The following AAK1 variants were observed in gnomAD, a reference collection of about 807,000 sequenced individuals.
AAK1 encodes the protein AP2 associated kinase 1.
In AAK1, 37 loss-of-function variants were observed where a neutral mutation model predicts 116.0. The ratio of observed to expected loss-of-function variants is 0.32; its 90% CI spans 0.25 to 0.42. The LOEUF is 0.42. Among genes scored for constraint, AAK1 ranks in the 10% least tolerant of loss-of-function variants. The pLI, the probability that AAK1 is intolerant of heterozygous loss-of-function variation, is 1.00. For synonymous variants in AAK1, 458 were observed against 439.9 expected (o/e 1.04, Z -0.51); for missense variants, 919 against 1,170.6 (o/e 0.79, Z 3.14).
At position 69,521,005 on chromosome 2, in the gene AAK1, GA is replaced by G. The variant is rs1558931695; in HGVS notation, c.1056-18del. On this transcript the variant is annotated intron_variant, in intron 10 of 21. Coordinates refer to ENST00000409085, the MANE Select transcript of AAK1 (RefSeq NM_014911.5). ...TCTGTCAGTCTAGAAAGGGAAAAGA[GA>G]AAGGTTCATATTAAAGTATGGGAAA... 6.2e-7 allele frequency: 1 copy of G among 1,613,680 alleles called. No individual in the cohort carries two copies. Among genetic ancestry groups the G allele is most frequent in the Non-Finnish European group, 8.5e-7 (1 of 1,179,604 alleles).
rs1674705128 is a variant in AAK1 at position 69,472,263 on chromosome 2, T to C, written c.*3606A>G. Reference sequence around the variant, plus strand: ...ATCTTACAGGGTTGAATTTGCTTTCTGGAAATGGCTAAATGTTACTCAGAA... The same window carrying C: ...ATCTTACAGGGTTGAATTTGCTTTCCGGAAATGGCTAAATGTTACTCAGAA... On this transcript the variant is annotated 3_prime_UTR_variant, in exon 22 of 22. Transcript: ENST00000409085. 3.0e-6 allele frequency: 2 copies of C among 673,482 alleles called. No individual in the cohort carries two copies. Among genetic ancestry groups the C allele is most frequent in the Admixed American group, 1.3e-4 (2 of 15,864 alleles). 41.7% of individuals were successfully genotyped at this position (673,482 alleles called of 1,614,324 possible).
chr2:69,514,072 A>C lies in AAK1; in HGVS notation c.1776+399T>G, dbSNP rs145215755. On this transcript the variant is annotated intron_variant, in intron 13 of 21. Coordinates refer to ENST00000409085, the MANE Select transcript of AAK1 (RefSeq NM_014911.5). The stretch of plus-strand genomic sequence containing the variant: ...GTCATCCAAGACAAAGAATAAACAC[A>C]ACATGGAGGACCCAGGGCCTGGAAA... Among the ~76,000 whole-genome samples the C allele has an allele frequency of 5.7e-3, 874 of 152,328 alleles. 13 individuals carry two copies. The highest frequency in any genetic ancestry group is 0.011 in the South Asian group (51 of 4,822).
Position 69,463,685 on chromosome 2 carries a change from G to A in AAK1, c.*12184C>T, listed in dbSNP as rs1297370694. The A allele has an allele frequency of 1.3e-5, 2 of 152,224 alleles. No individual in the cohort carries two copies. Among genetic ancestry groups the A allele is most frequent in the African/African-American group, 2.4e-5 (1 of 41,408 alleles). The allele number at this position is 152,224 out of a possible 1,614,324, so 9.4% of individuals were successfully genotyped here. ...CACCACCACGTCCAGCTAATTTTTT[G>A]TATTTTTAGTAGAGATGGGGTTTCA... On this transcript the variant is annotated 3_prime_UTR_variant, in exon 22 of 22. Transcript: ENST00000409085.
chr2:69,580,076 A>T (rs1198074269), intron 2 of AAK1, among the ~76,000 whole-genome samples: 1 of 152,114 alleles, frequency 6.6e-6, no homozygotes, highest in Non-Finnish European at 1.5e-5. Context: ...ATATCCAACT[A>T]ACAACCAAAT....
intron 15 of AAK1, 22 bp downstream of exon 15, chr2:69,507,397 CAA>C: frequency 6.2e-7 from 1 of 1,606,130 alleles, no homozygotes; most frequent in Non-Finnish European, 8.5e-7. Flanking sequence ...TCAAGAAGCA[CAA>C]AAAAAGACAC....
rs1674434743 is a variant in AAK1 at position 69,464,765 on chromosome 2, C to T, written c.*11104G>A. On this transcript the variant is annotated 3_prime_UTR_variant, in exon 22 of 22. Coordinates refer to ENST00000409085, the MANE Select transcript of AAK1 (RefSeq NM_014911.5). ...GTTAGCCCATCTGCCTGTATCTCTA[C>T]ACAGGCTCTGACGTACATTCCACAC... The T allele has an allele frequency of 6.6e-6, 1 of 152,638 alleles. No homozygotes were observed. The highest frequency in any genetic ancestry group is 2.4e-5 in the African/African-American group (1 of 41,442). The allele number at this position is 152,638 out of a possible 1,614,324, so 9.5% of individuals were successfully genotyped here.
Position 69,532,321 on chromosome 2 carries a change from C to T in AAK1, c.535-159G>A, listed in dbSNP as rs545704870. Reference sequence around the variant, plus strand: ...TCCAAGTATCTCAACAGGGGTCATCCCAAGTGGAACACAGGAGATGCAGAG... The same window carrying T: ...TCCAAGTATCTCAACAGGGGTCATCTCAAGTGGAACACAGGAGATGCAGAG... On this transcript the variant is annotated intron_variant, in intron 5 of 21. Transcript: ENST00000409085. Among the ~76,000 whole-genome samples, 4 of 152,170 alleles carry T rather than the reference C, an allele frequency of 2.6e-5. No homozygotes were observed. The South Asian group carries it at 8.3e-4, about 32-fold the overall frequency.
In AAK1 at chr2:69,475,289, T is replaced by C. The variant is rs1227590515; in HGVS notation, c.*580A>G. The C allele has an allele frequency of 1.0e-6, 1 of 985,766 alleles. No homozygotes were observed. Among genetic ancestry groups the C allele is most frequent in the Non-Finnish European group, 1.2e-6 (1 of 830,046 alleles). The allele number at this position is 985,766 out of a possible 1,614,324, so 61.1% of individuals were successfully genotyped here. Reference sequence around the variant, plus strand: ...TTGGTTGGCTAGAGCTGGGCTCAATTTCTCTTCTCAAATATATACTACCAG... The same window carrying C: ...TTGGTTGGCTAGAGCTGGGCTCAATCTCTCTTCTCAAATATATACTACCAG... On this transcript the variant is annotated 3_prime_UTR_variant, in exon 22 of 22. Transcript: ENST00000409085.
intron 2 of AAK1, among the ~76,000 whole-genome samples, chr2:69,636,827 G>A (rs1044445664): frequency 3.3e-5 from 5 of 151,758 alleles, no homozygotes; most frequent in African/African-American, 1.2e-4. Flanking sequence ...AGCCTCCCAA[G>A]TAGCTGGAAT....
At chr2:69,561,332 G>A (rs17036775) in intron 2 of AAK1, among the ~76,000 whole-genome samples, 5,149 of 152,210 alleles carry the variant, frequency 0.034, 339 homozygotes, top group South Asian at 0.18. Flanking sequence ...CATCACCACA[G>A]TTCTTATCTT....
At chr2:69,500,899 T>C (rs1675957369) in intron 16 of AAK1, among the ~76,000 whole-genome samples, 1 of 151,692 alleles carries the variant, frequency 6.6e-6, no homozygotes, top group Admixed American at 6.6e-5. Context: ...AGATGGAAAA[T>C]GATCAGGGAC....
chr2:69,619,454 T>C (rs1457654660), intron 2 of AAK1, among the ~76,000 whole-genome samples: 3 of 152,198 alleles, frequency 2.0e-5, no homozygotes, highest in African/African-American at 7.2e-5. Flanking sequence ...CTTGATCTTA[T>C]TCATCCATCC....
intron 2 of AAK1, among the ~76,000 whole-genome samples, chr2:69,597,075 A>G (rs1277803454): frequency 6.6e-6 from 1 of 151,836 alleles, no homozygotes; most frequent in African/African-American, 2.4e-5. Context: ...TGTTTTACTT[A>G]AAGCATGGAA....
Position 69,467,271 on chromosome 2 carries a change from A to C in AAK1, c.*8598T>G, listed in dbSNP as rs1291359453. ...AATGAATCTGCCATAAAGTTCTTTA[A>C]GCAGAAGGAGTAAAATGCATGGGCC... On this transcript the variant is annotated 3_prime_UTR_variant, in exon 22 of 22. Transcript: ENST00000409085. 2 of 985,340 alleles carry C rather than the reference A, an allele frequency of 2.0e-6. No individual in the cohort carries two copies. The highest frequency in any genetic ancestry group is 3.5e-5 in the African/African-American group (2 of 57,254). The allele number at this position is 985,340 out of a possible 1,614,324, so 61.0% of individuals were successfully genotyped here.
chr2:69,490,049 T>G (rs1030862862), intron 17 of AAK1, among the ~76,000 whole-genome samples: 1 of 152,194 alleles, frequency 6.6e-6, no homozygotes, highest in Non-Finnish European at 1.5e-5. Flanking sequence ...CAAGAGATGA[T>G]GAATTGCCAT....
chr2:69,553,802 A>C (rs1361179962), intron 3 of AAK1, among the ~76,000 whole-genome samples: 1 of 151,034 alleles, frequency 6.6e-6, no homozygotes, highest in Admixed American at 6.6e-5. Flanking sequence ...GAGGCTGGGC[A>C]TAGTGGCTCA....
At chr2:69,603,978 G>C (rs1673689735) in intron 2 of AAK1, among the ~76,000 whole-genome samples, 1 of 152,162 alleles carries the variant, frequency 6.6e-6, no homozygotes. Context: ...TAGAATCCAA[G>C]AGGAAGCATA....
At chr2:69,632,846 T>C (rs1452920465) in intron 2 of AAK1, among the ~76,000 whole-genome samples, 8 of 150,282 alleles carry the variant, frequency 5.3e-5, no homozygotes, top group African/African-American at 1.7e-4. Context: ...GTCCTGGCTA[T>C]CACGGTGAAA....
intron 2 of AAK1, among the ~76,000 whole-genome samples, chr2:69,622,960 C>G (rs1559011619): frequency 2.7e-5 from 4 of 149,192 alleles, no homozygotes; most frequent in Non-Finnish European, 5.9e-5. Flanking sequence ...GACCAATCAG[C>G]AGAATGTGGG....
Sources: allele counts gnomAD v4.1 joint callset (sites outside exome capture counted in the v4.1 genomes callset), GRCh38; gene constraint gnomAD v4.1.1; transcripts MANE v1.5; gene names NCBI Gene and HGNC (gene_info 2026-07-23, HGNC 2026-07-21).